The following JAZF1 variants were observed in gnomAD, a reference collection of about 807,000 sequenced individuals.
JAZF1 encodes juxtaposed with another zinc finger protein 1.
Under a neutral mutation model 26.4 loss-of-function variants are expected in JAZF1, and 8 were observed. That is an observed-to-expected ratio of 0.30 (90% CI 0.18 to 0.55). The LOEUF (loss-of-function observed/expected upper bound fraction) is 0.55. JAZF1 is among the 20% of genes least tolerant of loss of function. The pLI is 0.94. For synonymous variants in JAZF1, 126 were observed against 122.3 expected, an observed-to-expected ratio of 1.03 and a Z score of -0.20; for missense variants, 199 against 322.0, an observed-to-expected ratio of 0.62 and a Z score of 2.92.
At chr7:28,113,507 A>C (rs1326821465) in intron 1 of JAZF1, among the ~76,000 whole-genome samples, 1 of 152,138 alleles carries the variant, frequency 6.6e-6, no homozygotes, top group African/African-American at 2.4e-5. Flanking sequence ...TGGTTATTCA[A>C]CACCAGATAC....
At chr7:27,853,051 T>G (rs1009271620) in intron 3 of JAZF1, among the ~76,000 whole-genome samples, 8 of 152,222 alleles carry the variant, frequency 5.3e-5, no homozygotes, top group African/African-American at 1.9e-4. Context: ...GTCCTGTCCC[T>G]CCCTGCGGTG....
At chr7:28,004,557 T>C (rs1156324505) in intron 1 of JAZF1, among the ~76,000 whole-genome samples, 1 of 152,156 alleles carries the variant, frequency 6.6e-6, no homozygotes, top group Admixed American at 6.5e-5. Context: ...TTTGCATCTC[T>C]CCCACCCTTC....
chr7:27,903,423 G>T (rs986304572), intron 2 of JAZF1, among the ~76,000 whole-genome samples: 1 of 152,102 alleles, frequency 6.6e-6, no homozygotes, highest in Admixed American at 6.5e-5. Context: ...TTGAACTCCT[G>T]GGATCAAGCA....
intron 2 of JAZF1, among the ~76,000 whole-genome samples, chr7:27,977,975 T>C (rs1219507008): frequency 1.3e-5 from 2 of 152,254 alleles, no homozygotes; most frequent in Non-Finnish European, 2.9e-5. Flanking sequence ...TGTACATTTG[T>C]CCAGTTGTTT....
At chr7:28,002,179 T>G (rs1399396684) in intron 1 of JAZF1, among the ~76,000 whole-genome samples, 1 of 152,172 alleles carries the variant, frequency 6.6e-6, no homozygotes, top group Non-Finnish European at 1.5e-5. Flanking sequence ...GATTAAAAAC[T>G]TGCTTATCAT....
intron 1 of JAZF1, among the ~76,000 whole-genome samples, chr7:28,086,783 A>G (rs1255273027): frequency 6.6e-6 from 1 of 152,236 alleles, no homozygotes; most frequent in Non-Finnish European, 1.5e-5. Context: ...AACTACCAAC[A>G]CTACATAAAA....
intron 3 of JAZF1, among the ~76,000 whole-genome samples, chr7:27,880,266 G>A (rs1466465060): frequency 1.3e-5 from 2 of 152,034 alleles, no homozygotes; most frequent in Non-Finnish European, 2.9e-5. Context: ...GCAAAAAAGG[G>A]AAGGAAAAAA....
chr7:28,158,164 C>CAA (rs1583590742), intron 1 of JAZF1, among the ~76,000 whole-genome samples: 20 of 97,878 alleles, frequency 2.0e-4, no homozygotes, highest in Non-Finnish European at 3.7e-4. Flanking sequence ...CACACACACA[C>CAA]ACAAACACAC....
At chr7:27,875,008 T>C (rs1262002019) in intron 3 of JAZF1, among the ~76,000 whole-genome samples, 1 of 152,202 alleles carries the variant, frequency 6.6e-6, no homozygotes, top group Non-Finnish European at 1.5e-5. Flanking sequence ...GAGAGCCGTA[T>C]TTTGAAGGTC....
chr7:27,933,794 C>G (rs1784722659), intron 2 of JAZF1, among the ~76,000 whole-genome samples: 1 of 152,100 alleles, frequency 6.6e-6, no homozygotes. Context: ...GCTTGGCAGA[C>G]TGCAGAACAT....
chr7:28,101,347 AC>A (rs1224860032), intron 1 of JAZF1, among the ~76,000 whole-genome samples: 1 of 152,116 alleles, frequency 6.6e-6, no homozygotes, highest in African/African-American at 2.4e-5. Flanking sequence ...ATATATTATT[AC>A]GTATATTATG....
intron 1 of JAZF1, among the ~76,000 whole-genome samples, chr7:28,105,323 A>T (rs1784534276): frequency 6.6e-6 from 1 of 152,240 alleles, no homozygotes; most frequent in Admixed American, 6.5e-5. Context: ...GGTCAATAAC[A>T]GTACCTTTTA....
chr7:28,176,075 T>A (rs183285187), intron 1 of JAZF1, among the ~76,000 whole-genome samples: 1 of 152,300 alleles, frequency 6.6e-6, no homozygotes, highest in East Asian at 1.9e-4. Flanking sequence ...CACTGTAGGT[T>A]TATTACCTGG....
intron 2 of JAZF1, among the ~76,000 whole-genome samples, chr7:27,919,476 C>G (rs1784494728): frequency 6.6e-6 from 1 of 152,166 alleles, no homozygotes; most frequent in African/African-American, 2.4e-5. Flanking sequence ...AAAATGCAAG[C>G]ATGTCTACAA....
intron 1 of JAZF1, among the ~76,000 whole-genome samples, chr7:28,049,112 T>C (rs1400325449): frequency 6.9e-6 from 1 of 144,358 alleles, no homozygotes; most frequent in African/African-American, 2.5e-5. Context: ...TGACAGATTC[T>C]TTCTCTGTAG....
intron 1 of JAZF1, among the ~76,000 whole-genome samples, chr7:28,048,617 T>C (rs554637409): frequency 5.3e-5 from 8 of 152,222 alleles, no homozygotes; most frequent in Non-Finnish European, 8.8e-5. Context: ...CTCATTCTTA[T>C]TAACTTCTAA....
chr7:27,850,514 T>TG (rs776793559), intron 3 of JAZF1, among the ~76,000 whole-genome samples: 20 of 152,240 alleles, frequency 1.3e-4, no homozygotes, highest in Non-Finnish European at 2.5e-4. Flanking sequence ...TTGGAGTTCT[T>TG]GGTCATTATT....
At chr7:27,906,661 C>T (rs1445154165) in intron 2 of JAZF1, among the ~76,000 whole-genome samples, 3 of 152,148 alleles carry the variant, frequency 2.0e-5, no homozygotes, top group Non-Finnish European at 2.9e-5. Context: ...TGGTCTTTTC[C>T]GTCATTGATG....
chr7:28,180,593 G>C lies in JAZF1; in HGVS notation c.-16C>G, dbSNP rs777977698. 2.6e-6 allele frequency: 4 copies of C among 1,533,424 alleles called. No homozygotes were observed. Among genetic ancestry groups the C allele is most frequent in the Non-Finnish European group, 2.7e-6 (3 of 1,131,068 alleles). The allele number at this position is 1,533,424 out of a possible 1,614,324, so 95.0% of individuals were successfully genotyped here. On this transcript the variant is annotated 5_prime_UTR_variant, in exon 1 of 5. Coordinates refer to ENST00000283928, the MANE Select transcript of JAZF1 (RefSeq NM_175061.4). Reference sequence around the variant, plus strand: ...TGCCTGTCATGGTGCTACATCGAGAGCCCCCCTGGTGTCGGCTCTGCGAGC... The same window carrying C: ...TGCCTGTCATGGTGCTACATCGAGACCCCCCCTGGTGTCGGCTCTGCGAGC...
Sources: gnomAD v4.1 joint callset for allele counts (sites outside exome capture counted in the v4.1 genomes callset) on GRCh38, gnomAD v4.1.1 for gene constraint, MANE v1.5 for transcripts, NCBI Gene and HGNC (gene_info 2026-07-23, HGNC 2026-07-21) for gene names.